Variants in ZMAT4 observed in about 807,000 individuals in gnomAD.
ZMAT4 encodes the protein zinc finger matrin-type protein 4.
In ZMAT4, 17 loss-of-function variants were observed where a neutral mutation model predicts 28.7. That is an observed-to-expected ratio of 0.59 (90% CI 0.41 to 0.89). The LOEUF is 0.89. Ranked by LOEUF, ZMAT4 falls within the 40% of genes least tolerant of loss-of-function variation. The probability of loss-of-function intolerance (pLI) is 0.00; values close to 1 mark genes in which losing one functional copy is unlikely to be tolerated. For synonymous variants in ZMAT4, 117 were observed against 109.2 expected (o/e 1.07, Z -0.44); for missense variants, 240 against 283.8 (o/e 0.85, Z 1.11).
At chr8:40,881,592 A>AAGAAAGAAAGAAAGAC in intron 1 of ZMAT4, among the ~76,000 whole-genome samples, 1 of 99,236 alleles carries the variant, frequency 1.0e-5, no homozygotes, top group Non-Finnish European at 2.2e-5. Context: ...GAAAGAAAGA[A>AAGAAAGAAAGAAAGAC]AGAAAGAAAA....
chr8:40,588,826 A>G (rs936630581), intron 5 of ZMAT4, among the ~76,000 whole-genome samples: 1 of 152,164 alleles, frequency 6.6e-6, no homozygotes, highest in Non-Finnish European at 1.5e-5. Context: ...TTAAAAAAAG[A>G]TTTTTACAAG....
intron 1 of ZMAT4, among the ~76,000 whole-genome samples, chr8:40,865,992 G>C (rs148921277): frequency 5.8e-4 from 89 of 152,350 alleles, no homozygotes; most frequent in South Asian, 1.2e-3. Flanking sequence ...TGTGTGCCAA[G>C]TGCCAAACAA....
At chr8:40,844,073 G>A (rs1210763204) in intron 1 of ZMAT4, among the ~76,000 whole-genome samples, 1 of 152,176 alleles carries the variant, frequency 6.6e-6, no homozygotes, top group South Asian at 2.1e-4. Context: ...GAGCACTCTG[G>A]AAAGTGCCCA....
intron 3 of ZMAT4, among the ~76,000 whole-genome samples, chr8:40,746,424 C>T (rs1453690644): frequency 4.0e-5 from 6 of 148,882 alleles, no homozygotes; most frequent in Non-Finnish European, 7.4e-5. Context: ...AGTGCAATGG[C>T]GCAATCTCAA....
intron 3 of ZMAT4, among the ~76,000 whole-genome samples, chr8:40,755,269 T>C (rs1463559362): frequency 3.3e-5 from 5 of 152,266 alleles, no homozygotes; most frequent in Admixed American, 6.5e-5. Flanking sequence ...AGAGTTTCAA[T>C]GGGCAGCAAA....
chr8:40,710,814 C>G (rs1364223666), intron 3 of ZMAT4, among the ~76,000 whole-genome samples: 15 of 151,776 alleles, frequency 9.9e-5, no homozygotes, highest in Admixed American at 9.8e-4. Context: ...CACAGTCTCA[C>G]TCTGCCTCCA....
chr8:40,680,664 T>C (rs1809117674), intron 4 of ZMAT4, among the ~76,000 whole-genome samples: 1 of 148,942 alleles, frequency 6.7e-6, no homozygotes, highest in African/African-American at 2.5e-5. Context: ...GCTGACAACA[T>C]ACACTCCTCT....
intron 2 of ZMAT4, among the ~76,000 whole-genome samples, chr8:40,813,812 A>G (rs1037498011): frequency 2.0e-5 from 3 of 152,258 alleles, no homozygotes; most frequent in Non-Finnish European, 4.4e-5. Context: ...CCAAATCAGA[A>G]CAAAGTTGGG....
intron 1 of ZMAT4, among the ~76,000 whole-genome samples, chr8:40,839,986 A>C (rs538529496): frequency 6.6e-6 from 1 of 152,358 alleles, no homozygotes; most frequent in Non-Finnish European, 1.5e-5. Context: ...CCCACCAAAC[A>C]AAACTAAGTG....
chr8:40,825,644 G>A lies in ZMAT4; in HGVS notation c.33C>T (p.Phe11=). The A allele has an allele frequency of 6.4e-7, 1 of 1,555,370 alleles. No homozygotes were observed. Among genetic ancestry groups the A allele is most frequent in the Non-Finnish European group, 8.7e-7 (1 of 1,148,372 alleles). The change falls in exon 2 of 7, where the codon TTC becomes TTT. Residue 11 remains phenylalanine (F), a synonymous_variant. Transcript: ENST00000297737. ...TGCACACCTTGCAGTAACTGTCTGT[G>A]AATAAATCCTGATCAATATCGGAGG... MKSSDIDQDL[F]TDSYCKVCSA...
chr8:40,808,850 T>A (rs1308075083), intron 2 of ZMAT4, among the ~76,000 whole-genome samples: 8 of 145,144 alleles, frequency 5.5e-5, no homozygotes, highest in South Asian at 2.2e-4. Context: ...GCCAACTATT[T>A]AAAAAAAAAA....
chr8:40,740,348 G>C (rs1811947007), intron 3 of ZMAT4, among the ~76,000 whole-genome samples: 1 of 152,062 alleles, frequency 6.6e-6, no homozygotes, highest in African/African-American at 2.4e-5. Flanking sequence ...GACATGAGAT[G>C]GTATCTCATT....
intron 1 of ZMAT4, among the ~76,000 whole-genome samples, chr8:40,856,411 G>T (rs1207219379): frequency 6.6e-6 from 1 of 152,198 alleles, no homozygotes. Flanking sequence ...CATGGGCAAA[G>T]ATGTGGACAG....
At chr8:40,534,821 TAC>T (rs1308128655) in intron 6 of ZMAT4, among the ~76,000 whole-genome samples, 7 of 151,970 alleles carry the variant, frequency 4.6e-5, no homozygotes, top group African/African-American at 1.7e-4. Context: ...TAGCTGGGAT[TAC>T]AGCCACGTGC....
intron 3 of ZMAT4, among the ~76,000 whole-genome samples, chr8:40,745,007 G>A (rs1812160410): frequency 6.6e-6 from 1 of 152,138 alleles, no homozygotes; most frequent in African/African-American, 2.4e-5. Context: ...AAACAGACTT[G>A]GAACAAGGGT....
intron 1 of ZMAT4, among the ~76,000 whole-genome samples, chr8:40,887,589 A>G (rs574947451): frequency 6.6e-6 from 1 of 152,266 alleles, no homozygotes; most frequent in African/African-American, 2.4e-5. Flanking sequence ...ATCAGAAGTC[A>G]TGTGTTTCCC....
At chr8:40,842,746 T>C (rs560245388) in intron 1 of ZMAT4, among the ~76,000 whole-genome samples, 78 of 152,348 alleles carry the variant, frequency 5.1e-4, no homozygotes, top group Middle Eastern at 3.4e-3. Context: ...GTCTGGTCTT[T>C]AGTCAACCAG....
intron 5 of ZMAT4, among the ~76,000 whole-genome samples, chr8:40,615,428 A>G (rs10106556): frequency 0.21 from 31,365 of 152,048 alleles, 3,352 homozygotes; most frequent in Middle Eastern, 0.27. Flanking sequence ...CTCGAGAAGT[A>G]TCTTTGTGGC....
In ZMAT4 at chr8:40,826,182, T is replaced by C. The variant is rs768718110; in HGVS notation, c.-4-502A>G. Among the ~76,000 whole-genome samples, 39 of 152,338 alleles carry C rather than the reference T, an allele frequency of 2.6e-4. 1 individual carries two copies. The highest frequency in any genetic ancestry group is 3.9e-4 in the Admixed American group (6 of 15,302). On this transcript the variant is annotated intron_variant, in intron 1 of 6. Coordinates refer to ENST00000297737, the MANE Select transcript of ZMAT4 (RefSeq NM_024645.3). ...ATGTTAATTAAATGTTGTAAGCACC[T>C]AATATATCCAACAATAGAAAGTGGG... is the stretch of plus-strand genomic sequence containing the variant.
Sources: gnomAD v4.1 joint callset for allele counts (sites outside exome capture counted in the v4.1 genomes callset) on GRCh38, gnomAD v4.1.1 for gene constraint, MANE v1.5 for transcripts, NCBI Gene and HGNC (gene_info 2026-07-23, HGNC 2026-07-21) for gene names.